The following SLC16A7 variants were observed in gnomAD, a reference collection of about 807,000 sequenced individuals.
The protein encoded by SLC16A7 is solute carrier family 16 member 7.
A neutral mutation model predicts 34.9 loss-of-function variants in SLC16A7; 33 were observed. That is an observed-to-expected ratio of 0.94 (90% CI 0.72 to 1.26). The LOEUF is 1.26. Ranked by LOEUF, SLC16A7 falls within the 50% of genes most tolerant of loss-of-function variation. SLC16A7 has a pLI of 0.00. For synonymous variants in SLC16A7, 201 were observed against 206.6 expected, an observed-to-expected ratio of 0.97 and a Z score of 0.23; for missense variants, 573 against 578.1, an observed-to-expected ratio of 0.99 and a Z score of 0.09.
intron 1 of SLC16A7, among the ~76,000 whole-genome samples, chr12:59,606,193 T>C (rs1300374624): frequency 6.6e-6 from 1 of 152,198 alleles, no homozygotes; most frequent in Non-Finnish European, 1.5e-5. Context: ...CTTTTCAAGA[T>C]GGATAAAATT....
In SLC16A7 at chr12:59,779,818, T is replaced by C. The variant is rs1883111489; in HGVS notation, c.*139T>C. On this transcript the variant is annotated 3_prime_UTR_variant, in exon 6 of 6. Transcript: ENST00000547379. The stretch of plus-strand genomic sequence containing the variant: ...AGGATGGAGGTGATATTTTCCTCAA[T>C]GGCAAATTTTAAATTAGTTTTTAAA... 4.7e-6 allele frequency: 3 copies of C among 636,586 alleles called. No homozygotes were observed. Among genetic ancestry groups the C allele is most frequent in the East Asian group, 5.8e-5 (2 of 34,210 alleles). The allele number at this position is 636,586 out of a possible 1,614,324, so 39.4% of individuals were successfully genotyped here.
intron 1 of SLC16A7, among the ~76,000 whole-genome samples, chr12:59,606,072 C>A (rs17122682): frequency 0.048 from 7,346 of 152,206 alleles, 211 homozygotes; most frequent in Middle Eastern, 0.11. Flanking sequence ...CTTCTTTACT[C>A]CTGAGGCATT....
intron 1 of SLC16A7, among the ~76,000 whole-genome samples, chr12:59,654,926 G>A (rs190311944): frequency 6.6e-6 from 1 of 151,882 alleles, no homozygotes; most frequent in Admixed American, 6.6e-5. Context: ...ATTATAACAT[G>A]GGGCTAGTGG....
At chr12:59,749,533 A>G (rs1361464782) in intron 3 of SLC16A7, among the ~76,000 whole-genome samples, 1 of 152,208 alleles carries the variant, frequency 6.6e-6, no homozygotes. Context: ...AGGTGAGGTC[A>G]TAGCACCTTT....
At chr12:59,686,309 G>GCT (rs2137083687) in intron 2 of SLC16A7, among the ~76,000 whole-genome samples, 1 of 152,018 alleles carries the variant, frequency 6.6e-6, no homozygotes, top group African/African-American at 2.4e-5. Context: ...AAGTATGGGA[G>GCT]CTCAGAGGGA....
intron 1 of SLC16A7, among the ~76,000 whole-genome samples, chr12:59,601,650 T>C (rs929725210): frequency 6.6e-6 from 1 of 152,128 alleles, no homozygotes; most frequent in African/African-American, 2.4e-5. Context: ...TATAGACAGA[T>C]TAGGTAGCTT....
At chr12:59,770,866 AT>A (rs1375284247) in intron 3 of SLC16A7, among the ~76,000 whole-genome samples, 3 of 152,164 alleles carry the variant, frequency 2.0e-5, no homozygotes, top group African/African-American at 7.2e-5. Context: ...TAATTCCTAG[AT>A]TTTTTTGTTA....
intron 1 of SLC16A7, among the ~76,000 whole-genome samples, chr12:59,654,806 T>G (rs1470375844): frequency 6.6e-6 from 1 of 151,832 alleles, no homozygotes; most frequent in Non-Finnish European, 1.5e-5. Context: ...GATGGTGGAC[T>G]GAAATGAGTC....
At chr12:59,766,852 A>T (rs1881699113) in intron 3 of SLC16A7, among the ~76,000 whole-genome samples, 1 of 152,084 alleles carries the variant, frequency 6.6e-6, no homozygotes, top group East Asian at 1.9e-4. Context: ...TCATAAAATG[A>T]GTTAGGGAGG....
chr12:59,659,261 A>G (rs1868702640), intron 2 of SLC16A7, among the ~76,000 whole-genome samples: 1 of 152,034 alleles, frequency 6.6e-6, no homozygotes, highest in Non-Finnish European at 1.5e-5. Flanking sequence ...GAATATTTAA[A>G]AATTTTTCTT....
chr12:59,666,549 T>C (rs534788910), intron 2 of SLC16A7, among the ~76,000 whole-genome samples: 8 of 152,210 alleles, frequency 5.3e-5, no homozygotes, highest in African/African-American at 1.9e-4. Flanking sequence ...AATTGAATCA[T>C]GAGGGTGAGT....
At chr12:59,639,796 A>G (rs1487696224) in intron 1 of SLC16A7, among the ~76,000 whole-genome samples, 3 of 152,134 alleles carry the variant, frequency 2.0e-5, no homozygotes, top group Non-Finnish European at 4.4e-5. Flanking sequence ...AGTGTCTTAC[A>G]ATTTAACTCA....
rs1883648385 is a variant in SLC16A7, at chr12:59,786,722, G to T, written c.*7043G>T. The T allele has an allele frequency of 6.6e-6, 1 of 152,092 alleles. No individual in the cohort carries two copies. Among genetic ancestry groups the T allele is most frequent in the East Asian group, 1.9e-4 (1 of 5,204 alleles). The allele number at this position is 152,092 out of a possible 1,614,324, so 9.4% of individuals were successfully genotyped here. On this transcript the variant is annotated 3_prime_UTR_variant, in exon 6 of 6. Transcript: ENST00000547379. ...AAAACTAGACTGGATTAAGGATTTTGCCTAAACCTATACCAATACTCTGAA... is the reference window on the plus strand; with the variant it reads ...AAAACTAGACTGGATTAAGGATTTTTCCTAAACCTATACCAATACTCTGAA...
chr12:59,718,232 C>T (rs1159189754), intron 3 of SLC16A7, among the ~76,000 whole-genome samples: 1 of 152,050 alleles, frequency 6.6e-6, no homozygotes, highest in Non-Finnish European at 1.5e-5. Context: ...TTTCCACTGG[C>T]AATCTTGTTT....
intron 3 of SLC16A7, among the ~76,000 whole-genome samples, chr12:59,756,612 G>A (rs28805004): frequency 0.092 from 13,109 of 143,086 alleles, 699 homozygotes; most frequent in African/African-American, 0.17. Flanking sequence ...AACAACAGGT[G>A]CTGGAGAGGA....
At chr12:59,633,598 A>C (rs986023144) in intron 1 of SLC16A7, among the ~76,000 whole-genome samples, 3 of 151,786 alleles carry the variant, frequency 2.0e-5, no homozygotes, top group African/African-American at 7.3e-5. Context: ...GTATTAGTCC[A>C]TTTTTACACT....
At chr12:59,688,120 T>C (rs955475840) in intron 2 of SLC16A7, among the ~76,000 whole-genome samples, 1 of 152,024 alleles carries the variant, frequency 6.6e-6, no homozygotes, top group Admixed American at 6.6e-5. Context: ...CTCCAGTGGA[T>C]AGTTAACATT....
At chr12:59,751,990 C>A (rs955047587) in intron 3 of SLC16A7, among the ~76,000 whole-genome samples, 3 of 152,178 alleles carry the variant, frequency 2.0e-5, no homozygotes, top group Non-Finnish European at 4.4e-5. Context: ...GGTACCCAGG[C>A]AAACAGGGTC....
At chr12:59,657,022 A>G (rs1344669561) in intron 2 of SLC16A7, among the ~76,000 whole-genome samples, 2 of 151,954 alleles carry the variant, frequency 1.3e-5, no homozygotes, top group African/African-American at 4.8e-5. Flanking sequence ...AGAATTAACT[A>G]TTAATTTGTG....
Sources: gnomAD v4.1 joint callset for allele counts (sites outside exome capture counted in the v4.1 genomes callset) on GRCh38, gnomAD v4.1.1 for gene constraint, MANE v1.5 for transcripts, NCBI Gene and HGNC (gene_info 2026-07-23, HGNC 2026-07-21) for gene names.